The following WDR27 variants were observed in gnomAD, a reference collection of about 807,000 sequenced individuals.
WDR27 encodes WD repeat domain 27.
WDR27 carries 100 observed loss-of-function variants against 114.4 expected under a neutral mutation model. The ratio of observed to expected loss-of-function variants is 0.87; its 90% CI spans 0.74 to 1.03. The LOEUF (loss-of-function observed/expected upper bound fraction) is 1.03. WDR27 is among the 50% of genes least tolerant of loss of function. The probability of loss-of-function intolerance (pLI) is 0.00; values close to 1 mark genes in which losing one functional copy is unlikely to be tolerated. For synonymous variants in WDR27, 449 were observed against 423.1 expected, an observed-to-expected ratio of 1.06 and a Z score of -0.75; for missense variants, 1,129 against 1,092.9, an observed-to-expected ratio of 1.03 and a Z score of -0.47.
At chr6:169,622,754 C>A (rs752526472) in intron 21 of WDR27, among the ~76,000 whole-genome samples, 2 of 152,148 alleles carry the variant, frequency 1.3e-5, no homozygotes, top group African/African-American at 4.8e-5. Context: ...AGAAGCGTCC[C>A]GGTGAAACAG....
At chr6:169,492,406 A>C (rs1789886142) in intron 25 of WDR27, among the ~76,000 whole-genome samples, 1 of 152,172 alleles carries the variant, frequency 6.6e-6, no homozygotes, top group South Asian at 2.1e-4. Context: ...GTGTCTCATC[A>C]AATCCAGAAA....
intron 25 of WDR27, among the ~76,000 whole-genome samples, chr6:169,464,261 G>T (rs1048061261): frequency 2.0e-5 from 3 of 152,154 alleles, no homozygotes; most frequent in African/African-American, 7.2e-5. Context: ...TTTGAGAAGG[G>T]CTCCAAGACC....
At chr6:169,461,980 A>C (rs1380718085) in intron 25 of WDR27, among the ~76,000 whole-genome samples, 2 of 152,146 alleles carry the variant, frequency 1.3e-5, no homozygotes, top group South Asian at 2.1e-4. Context: ...TTCAGAAATA[A>C]AATCATTGTA....
At chr6:169,634,349 G>T in intron 20 of WDR27, 79 bp downstream of exon 20, 1 of 1,048,958 alleles carries the variant, frequency 9.5e-7, no homozygotes, top group South Asian at 1.5e-5. Context: ...TGACACTCAC[G>T]AGATGCTCAG....
chr6:169,618,117 A>G (rs1812291734), intron 21 of WDR27, among the ~76,000 whole-genome samples: 1 of 152,196 alleles, frequency 6.6e-6, no homozygotes, highest in African/African-American at 2.4e-5. Context: ...CTGCATCAAT[A>G]ATCATTTCAT....
At chr6:169,568,449 G>C (rs760569209) in intron 25 of WDR27, among the ~76,000 whole-genome samples, 31 of 152,100 alleles carry the variant, frequency 2.0e-4, no homozygotes, top group Non-Finnish European at 3.2e-4. Flanking sequence ...CAGGGAGTAA[G>C]GACACAAGCT....
chr6:169,516,622 T>C (rs1410695291), intron 25 of WDR27, among the ~76,000 whole-genome samples: 1 of 152,090 alleles, frequency 6.6e-6, no homozygotes, highest in Admixed American at 6.6e-5. Context: ...GAGATGTCCA[T>C]AGGGCTTAAA....
chr6:169,677,421 T>C (rs1031563152), intron 2 of WDR27, among the ~76,000 whole-genome samples: 17 of 152,248 alleles, frequency 1.1e-4, no homozygotes, highest in Admixed American at 5.2e-4. Context: ...GCATGTAAGA[T>C]GTCTCCTGGA....
intron 17 of WDR27, 68 bp from the exon 18 acceptor site, chr6:169,638,728 A>G: frequency 6.6e-7 from 1 of 1,526,550 alleles, no homozygotes; most frequent in Non-Finnish European, 8.9e-7. Context: ...AGTGCTACTT[A>G]TCTGGTACTT....
At chr6:169,461,847 G>A (rs562372865) in intron 25 of WDR27, among the ~76,000 whole-genome samples, 15 of 151,898 alleles carry the variant, frequency 9.9e-5, no homozygotes, top group African/African-American at 2.7e-4. Flanking sequence ...AAAGAAAAAC[G>A]AAATTAAGAA....
At chr6:169,506,564 T>A (rs1792022438) in intron 25 of WDR27, among the ~76,000 whole-genome samples, 1 of 152,158 alleles carries the variant, frequency 6.6e-6, no homozygotes, top group Admixed American at 6.5e-5. Context: ...ACATGGTGAT[T>A]CCAAGAATGA....
In WDR27 at chr6:169,613,337, G is replaced by A. The variant is rs1811047892; in HGVS notation, c.2321+222C>T. Reference sequence around the variant, plus strand: ...CCTCAACATCGCTGACCCACAGGAAGGGCCTGGGGTTACTCTCCTAAGCCA... The same window carrying A: ...CCTCAACATCGCTGACCCACAGGAAAGGCCTGGGGTTACTCTCCTAAGCCA... On this transcript the variant is annotated intron_variant, in intron 22 of 25. Coordinates refer to ENST00000448612, the MANE Select transcript of WDR27 (RefSeq NM_182552.5). 2.0e-5 allele frequency among the ~76,000 whole-genome samples: 3 copies of A among 152,182 alleles called. No homozygotes were observed. The South Asian group carries it at 6.2e-4, about 32-fold the overall frequency.
At chr6:169,615,603 C>T (rs1327763618) in intron 21 of WDR27, among the ~76,000 whole-genome samples, 1 of 152,136 alleles carries the variant, frequency 6.6e-6, no homozygotes, top group African/African-American at 2.4e-5. Context: ...AAACTGGACC[C>T]CTTCCTTACA....
chr6:169,490,286 C>A (rs1306868718), intron 25 of WDR27, among the ~76,000 whole-genome samples: 2 of 152,240 alleles, frequency 1.3e-5, no homozygotes, highest in Non-Finnish European at 2.9e-5. Flanking sequence ...GCCAGCAGGA[C>A]TTGGCTGCTT....
chr6:169,510,656 A>T lies in WDR27; in HGVS notation c.2646-53022T>A, dbSNP rs1305566489. On this transcript the variant is annotated intron_variant, in intron 25 of 25. Coordinates refer to ENST00000448612, the MANE Select transcript of WDR27 (RefSeq NM_182552.5). ...TGGGGTGGGGGGAGGGGGGAAGGATAGCATTAGGAGATATACCTAATGCTA... is the reference window on the plus strand; with the variant it reads ...TGGGGTGGGGGGAGGGGGGAAGGATTGCATTAGGAGATATACCTAATGCTA... Among the ~76,000 whole-genome samples the T allele has an allele frequency of 1.3e-4, 20 of 150,784 alleles. No individual in the cohort carries two copies. In the South Asian group the frequency reaches 3.0e-3, roughly 23 times the overall value.
chr6:169,628,388 G>A (rs914656409), intron 21 of WDR27, among the ~76,000 whole-genome samples: 10 of 152,142 alleles, frequency 6.6e-5, no homozygotes, highest in African/African-American at 2.4e-4. Flanking sequence ...AGCCTCATGC[G>A]CATCAGCCCG....
At chr6:169,655,637 T>A (rs974033316) in intron 13 of WDR27, among the ~76,000 whole-genome samples, 1 of 152,236 alleles carries the variant, frequency 6.6e-6, no homozygotes, top group Non-Finnish European at 1.5e-5. Flanking sequence ...GACTTCTCGG[T>A]GCCTCTTTGC....
At chr6:169,620,502 T>C (rs1431685772) in intron 21 of WDR27, among the ~76,000 whole-genome samples, 1 of 152,232 alleles carries the variant, frequency 6.6e-6, no homozygotes, top group African/African-American at 2.4e-5. Flanking sequence ...GACTAAATTG[T>C]GTATTCAGTG....
intron 25 of WDR27, among the ~76,000 whole-genome samples, chr6:169,532,903 T>A (rs1795765092): frequency 1.3e-5 from 2 of 149,740 alleles, no homozygotes; most frequent in Non-Finnish European, 3.0e-5. Context: ...CACTGGGAGG[T>A]CTCCTGACTA....
Sources: allele counts gnomAD v4.1 joint callset (sites outside exome capture counted in the v4.1 genomes callset), GRCh38; gene constraint gnomAD v4.1.1; transcripts MANE v1.5; gene names NCBI Gene and HGNC (gene_info 2026-07-23, HGNC 2026-07-21).